The following ATP6V1E2 variants were observed in gnomAD, a reference collection of about 807,000 sequenced individuals.
ATP6V1E2 encodes the protein V-type proton ATPase subunit E 2.
For missense variants in ATP6V1E2, 308 were observed against 273.3 expected, an observed-to-expected ratio of 1.13 and a Z score of -0.90; for synonymous variants, 121 against 104.2, an observed-to-expected ratio of 1.16 and a Z score of -0.98.
intron 4 of ATP6V1E2, among the ~76,000 whole-genome samples, chr2:46,520,162 A>C (rs1666537275): frequency 6.6e-6 from 1 of 152,214 alleles, no homozygotes; most frequent in African/African-American, 2.4e-5. Flanking sequence ...ATAGCTCATT[A>C]GTGCTGGGAC....
intron 4 of ATP6V1E2, among the ~76,000 whole-genome samples, chr2:46,523,240 T>C (rs1462054116): frequency 6.6e-6 from 1 of 152,254 alleles, no homozygotes; most frequent in East Asian, 1.9e-4. Context: ...TTTAGTTTAA[T>C]TAGATCCCAT....
chr2:46,537,408 T>A (rs1667500767), intron 2 of ATP6V1E2: 1 of 152,204 alleles, frequency 6.6e-6, no homozygotes, highest in Non-Finnish European at 1.5e-5. Context: ...TAAGTTGAGC[T>A]AATCAGAAGA....
intron 4 of ATP6V1E2, among the ~76,000 whole-genome samples, 193 bp from the exon 5 acceptor site, chr2:46,513,005 C>T (rs1687546215): frequency 6.6e-6 from 1 of 152,240 alleles, no homozygotes; most frequent in Admixed American, 6.5e-5. Context: ...CTGCTACACT[C>T]ACTCTCATTG....
intron 4 of ATP6V1E2, chr2:46,534,360 G>C (rs1003718731): frequency 6.6e-6 from 1 of 152,120 alleles, no homozygotes; most frequent in African/African-American, 2.4e-5. Flanking sequence ...TACAGGTGTT[G>C]TATTTTTTAG....
At chr2:46,513,057 G>A (rs895339303) in intron 4 of ATP6V1E2, among the ~76,000 whole-genome samples, 8 of 152,168 alleles carry the variant, frequency 5.3e-5, no homozygotes, top group African/African-American at 1.7e-4. Context: ...ACCTAGTCCA[G>A]AAGTTCTCTA....
In ATP6V1E2 at chr2:46,512,434, T is replaced by C; in HGVS notation, c.278A>G (p.Asp93Gly). 1 of 1,614,142 alleles carries C rather than the reference T, an allele frequency of 6.2e-7. No homozygotes were observed. Among genetic ancestry groups the C allele is most frequent in the Non-Finnish European group, 8.5e-7 (1 of 1,180,012 alleles). ...TCTCAGCTTCGCCTCACTGAGCAAA[T>C]CTGAGATGAGGTCATTTCGGGCTCT... The part of the protein sequence containing the change: ...VLRARNDLIS[D>G]LLSEAKLRLS... The change falls in exon 5 of 5, where the codon GAT becomes GGT. Residue 93 changes from aspartate to glycine, a missense_variant. Physicochemically the swap from Asp to Gly is moderately conservative, Grantham distance 94. Transcript: ENST00000522587.
chr2:46,515,552 G>A (rs1687674179), intron 4 of ATP6V1E2, among the ~76,000 whole-genome samples: 1 of 152,100 alleles, frequency 6.6e-6, no homozygotes, highest in African/African-American at 2.4e-5. Flanking sequence ...ACCAGGGGTT[G>A]GGGGCAGGTA....
Position 46,530,953 on chromosome 2 carries a change from A to G in ATP6V1E2, c.-102+4860T>C, listed in dbSNP as rs887767411. Among the ~76,000 whole-genome samples, 11 of 152,198 alleles carry G rather than the reference A, an allele frequency of 7.2e-5. No individual in the cohort carries two copies. Among genetic ancestry groups the G allele is most frequent in the Non-Finnish European group, 1.6e-4 (11 of 68,038 alleles). On this transcript the variant is annotated intron_variant, in intron 4 of 4. Coordinates refer to ENST00000522587, the MANE Select transcript of ATP6V1E2 (RefSeq NM_001318063.2). The surrounding 1 kb of genome is among the most constrained non-coding windows in gnomAD (Gnocchi z 5.2). ...GGCACGTGGGAATTATGGGAGCTAC[A>G]ATTCAAGATGAGATTTGGGTGAGGA...
intron 4 of ATP6V1E2, chr2:46,534,477 C>T (rs1667343477): frequency 6.6e-6 from 1 of 151,874 alleles, no homozygotes; most frequent in Admixed American, 6.6e-5. Flanking sequence ...AAGTCCTTGT[C>T]TGCTAACGTT....
chr2:46,520,798 A>C (rs1304460999), intron 4 of ATP6V1E2, among the ~76,000 whole-genome samples: 1 of 152,060 alleles, frequency 6.6e-6, no homozygotes, highest in Non-Finnish European at 1.5e-5. Context: ...GGGTGCAGAT[A>C]GGTGTTCATT....
At chr2:46,517,104 T>C (rs1221090186) in intron 4 of ATP6V1E2, among the ~76,000 whole-genome samples, 1 of 152,150 alleles carries the variant, frequency 6.6e-6, no homozygotes, top group Non-Finnish European at 1.5e-5. Context: ...GTTAAAGTAA[T>C]TAAAACAGTA....
Position 46,512,056 on chromosome 2 carries a change from T to C in ATP6V1E2, c.656A>G (p.Asn219Ser). 6.2e-7 allele frequency: 1 copy of C among 1,608,418 alleles called. No homozygotes were observed. The highest frequency in any genetic ancestry group is 2.2e-5 in the East Asian group (1 of 44,868). The change falls in exon 5 of 5, where the codon AAC (asparagine) becomes AGC (serine). Residue 219 changes from asparagine (N) to serine (S), a missense_variant. Coordinates refer to ENST00000522587, the MANE Select transcript of ATP6V1E2 (RefSeq NM_001318063.2). ...TTATATAAAGAACTTTCTGTTGGTGTTAGCACCAAACAAGGCCATTCGTAT... is the reference window on the plus strand; with the variant it reads ...TTATATAAAGAACTTTCTGTTGGTGCTAGCACCAAACAAGGCCATTCGTAT... ...PEIRMALFGA[N>S]TNRKFFI is the part of the protein sequence containing the mutation.
At position 46,528,671 on chromosome 2, in the gene ATP6V1E2, G is replaced by T. The variant is rs568062899; in HGVS notation, c.-102+7142C>A. On this transcript the variant is annotated intron_variant, in intron 4 of 4. Coordinates refer to ENST00000522587, the MANE Select transcript of ATP6V1E2 (RefSeq NM_001318063.2). ...GATGCATCCAGGACTGGGCATCAGA[G>T]GTTCAGACCCCAGTCCTGATGCTAC... Among the ~76,000 whole-genome samples, 11 of 152,198 alleles carry T rather than the reference G, an allele frequency of 7.2e-5. 1 individual carries two copies. Among genetic ancestry groups the T allele is most frequent in the Admixed American group, 5.9e-4 (9 of 15,280 alleles).
chr2:46,541,219 G>T (rs997396284), intron 2 of ATP6V1E2, among the ~76,000 whole-genome samples, 171 bp downstream of exon 2: 6 of 152,322 alleles, frequency 3.9e-5, no homozygotes, highest in African/African-American at 1.4e-4. Flanking sequence ...ACCAGGAACT[G>T]ACCTTAAGGC....
chr2:46,523,101 A>G (rs1356933292), intron 4 of ATP6V1E2, among the ~76,000 whole-genome samples: 3 of 151,808 alleles, frequency 2.0e-5, no homozygotes, highest in Non-Finnish European at 4.4e-5. Flanking sequence ...TTAATTGTAA[A>G]TATGTTTAAG....
chr2:46,540,943 C>A (rs1002204726), intron 2 of ATP6V1E2, among the ~76,000 whole-genome samples: 2 of 152,210 alleles, frequency 1.3e-5, no homozygotes, highest in African/African-American at 2.4e-5. Flanking sequence ...GCTTCTCCTA[C>A]TCTTAGCTCA....
chr2:46,520,377 T>G (rs976125817), intron 4 of ATP6V1E2, among the ~76,000 whole-genome samples: 2 of 152,216 alleles, frequency 1.3e-5, no homozygotes, highest in Non-Finnish European at 2.9e-5. Flanking sequence ...CCTGTCCTTA[T>G]ACGAGGGCTC....
chr2:46,536,030 G>A (rs1430924622), intron 3 of ATP6V1E2, 103 bp from the exon 4 acceptor site: 2 of 152,184 alleles, frequency 1.3e-5, no homozygotes, highest in African/African-American at 4.8e-5. Flanking sequence ...AATCATATGA[G>A]TATTCCATAC....
At chr2:46,515,915 GA>G (rs1558656067) in intron 4 of ATP6V1E2, among the ~76,000 whole-genome samples, 1 of 152,086 alleles carries the variant, frequency 6.6e-6, no homozygotes, top group Admixed American at 6.6e-5. Flanking sequence ...TTTAAGTCAA[GA>G]ACTGTCACAA....
Sources: allele counts gnomAD v4.1 joint callset (sites outside exome capture counted in the v4.1 genomes callset), GRCh38; gene constraint gnomAD v4.1.1; non-coding constraint Gnocchi (gnomAD v3.1); transcripts MANE v1.5; gene names NCBI Gene and HGNC (gene_info 2026-07-23, HGNC 2026-07-21).